CELF2: variants seen among roughly 807,000 people sequenced by gnomAD.
The protein encoded by CELF2 is CUGBP Elav-like family member 2.
In CELF2, 8 loss-of-function variants were observed where a neutral mutation model predicts 62.6. The observed-to-expected ratio is 0.13, with a 90% confidence interval of 0.07 to 0.23. The LOEUF is 0.23. Ranked by LOEUF, CELF2 falls within the 10% of genes least tolerant of loss-of-function variation. The pLI is 1.00. For missense variants in CELF2, 333 were observed against 671.0 expected (o/e 0.50, Z 5.56); for synonymous variants, 258 against 250.0 (o/e 1.03, Z -0.30).
At chr10:11,139,511 G>T (rs1317857079) in intron 1 of CELF2, among the ~76,000 whole-genome samples, 1 of 152,174 alleles carries the variant, frequency 6.6e-6, no homozygotes, top group Non-Finnish European at 1.5e-5. Context: ...AATAAAAGGG[G>T]CCATATCAGT....
the CELF2 span, among the ~76,000 whole-genome samples, chr10:10,714,487 C>G: frequency 7.9e-5 from 12 of 152,024 alleles, no homozygotes; most frequent in African/African-American, 2.4e-4. Flanking sequence ...AAAGTGTGAA[C>G]TAGGGGAAAA....
intron 4 of CELF2, among the ~76,000 whole-genome samples, chr10:11,253,820 C>A (rs1422782859): frequency 6.6e-6 from 1 of 152,162 alleles, no homozygotes; most frequent in African/African-American, 2.4e-5. Context: ...TCACGGGGGA[C>A]CCCATCTGTG....
chr10:10,556,004 A>G, the CELF2 span, among the ~76,000 whole-genome samples: 1 of 152,132 alleles, frequency 6.6e-6, no homozygotes, highest in African/African-American at 2.4e-5. Context: ...CTGAACTTCA[A>G]TAATAGCCTG....
At chr10:10,679,004 G>T in the CELF2 span, among the ~76,000 whole-genome samples, 16 of 152,112 alleles carry the variant, frequency 1.1e-4, no homozygotes, top group African/African-American at 3.9e-4. Flanking sequence ...CCCTCACATG[G>T]CCAGGGGAAT....
the CELF2 span, among the ~76,000 whole-genome samples, chr10:10,593,391 A>G: frequency 2.0e-5 from 3 of 152,302 alleles, no homozygotes; most frequent in South Asian, 6.2e-4. Context: ...ATCCTCCAGA[A>G]AGTTCACCTT....
chr10:11,250,438 G>A (rs552789051), intron 4 of CELF2, among the ~76,000 whole-genome samples: 14 of 152,276 alleles, frequency 9.2e-5, no homozygotes, highest in South Asian at 6.2e-4. Flanking sequence ...GGGTTAATTC[G>A]TTTTTTTCTC....
intron 1 of CELF2, among the ~76,000 whole-genome samples, chr10:10,896,712 G>C (rs1302325099): frequency 6.6e-6 from 1 of 152,144 alleles, no homozygotes; most frequent in East Asian, 1.9e-4. Context: ...TTACTCCCTG[G>C]AATCTTCAGA....
rs2046670995 is a variant in CELF2, at chr10:10,938,552, A to T, written c.89+18553A>T. ...GCAACTCAAGTTTAGAAGATTCTCA[A>T]CTTGAATTATTTTAGCATTCTGCTA... is the stretch of plus-strand genomic sequence containing the variant. On this transcript the variant is annotated intron_variant, in intron 2 of 13. Transcript: ENST00000636488. This position sits in a 1 kb window ranked among gnomAD's most constrained non-coding sequence, Gnocchi z 4.2. 6.6e-6 allele frequency among the ~76,000 whole-genome samples: 1 copy of T among 152,258 alleles called. No individual in the cohort carries two copies. Among genetic ancestry groups the T allele is most frequent in the African/African-American group, 2.4e-5 (1 of 41,470 alleles).
At chr10:11,201,106 A>G (rs2059120402) in intron 2 of CELF2, among the ~76,000 whole-genome samples, 1 of 152,324 alleles carries the variant, frequency 6.6e-6, no homozygotes, top group African/African-American at 2.4e-5. Context: ...ATTCTAAAAC[A>G]TACTCACTTT....
chr10:10,763,452 C>T, the CELF2 span, among the ~76,000 whole-genome samples: 1 of 151,932 alleles, frequency 6.6e-6, no homozygotes, highest in Non-Finnish European at 1.5e-5. Context: ...GGAAACGCTG[C>T]CCCGGTCAGG....
At chr10:10,987,915 C>T (rs991792979) in intron 2 of CELF2, among the ~76,000 whole-genome samples, 1 of 151,812 alleles carries the variant, frequency 6.6e-6, no homozygotes, top group African/African-American at 2.4e-5. Flanking sequence ...ACTGAGATAC[C>T]ACCTTACTCC....
chr10:10,708,302 G>C, the CELF2 span, among the ~76,000 whole-genome samples: 2,508 of 152,300 alleles, frequency 0.016, 33 homozygotes, highest in African/African-American at 0.037. Flanking sequence ...CTTTACAGAA[G>C]AGGAAATTGA....
rs970892262 is a variant in CELF2, at chr10:11,242,202, C to G, written c.355-6951C>G. ...ATGGGTTTAATAATGAGATGCGTAA[C>G]AGTGACTCTGTAAAAACCCATTTCA... On this transcript the variant is annotated intron_variant, in intron 3 of 12. Transcript: ENST00000633077. This position sits in a 1 kb window ranked among gnomAD's most constrained non-coding sequence, Gnocchi z 4.8. Among the ~76,000 whole-genome samples the G allele has an allele frequency of 6.6e-6, 1 of 152,174 alleles. No individual in the cohort carries two copies. Among genetic ancestry groups the G allele is most frequent in the Non-Finnish European group, 1.5e-5 (1 of 68,050 alleles).
the CELF2 span, among the ~76,000 whole-genome samples, chr10:10,563,240 C>T: frequency 3.3e-5 from 5 of 152,098 alleles, no homozygotes; most frequent in Non-Finnish European, 5.9e-5. Flanking sequence ...CTAGAAGACA[C>T]CCAGCCAGGA....
chr10:10,652,899 CCAATTAAAAGACA>C, the CELF2 span, among the ~76,000 whole-genome samples: 1 of 151,962 alleles, frequency 6.6e-6, no homozygotes, highest in Non-Finnish European at 1.5e-5. Flanking sequence ...ATTAAATTCT[CCAATTAAAAGACA>C]CAGACTGGCA....
At chr10:11,002,624 G>A (rs1331014174), upstream of CELF2, among the ~76,000 whole-genome samples, 1 of 152,126 alleles carries the variant, frequency 6.6e-6, no homozygotes, top group African/African-American at 2.4e-5. This position sits in a 1 kb window ranked among gnomAD's most constrained non-coding sequence, Gnocchi z 4.4. Context: ...TCCTACACTT[G>A]AATTTCTGCA....
the CELF2 span, among the ~76,000 whole-genome samples, chr10:10,527,188 T>C: frequency 6.6e-5 from 10 of 152,244 alleles, no homozygotes; most frequent in Admixed American, 5.9e-4. Flanking sequence ...ACGCCTGTTA[T>C]CCCAGCACTT....
At chr10:10,915,161 G>A (rs1211506071) in intron 1 of CELF2, among the ~76,000 whole-genome samples, 1 of 150,536 alleles carries the variant, frequency 6.6e-6, no homozygotes, top group Non-Finnish European at 1.5e-5. Flanking sequence ...ATTTTTTAGT[G>A]TTCTGCTTTT....
rs549287188 is a variant in CELF2 at position 11,109,204 on chromosome 10, C to G, written c.75-56282C>G. Among the ~76,000 whole-genome samples the G allele has an allele frequency of 9.8e-5, 15 of 152,286 alleles. No individual in the cohort carries two copies. In the South Asian group the frequency reaches 2.9e-3, roughly 29 times the overall value. ...GTAAGTTACGGATCCAGCATTTTCT[C>G]TCAATAGTAAGCTGGTTTTTATGGT... On this transcript the variant is annotated intron_variant, in intron 1 of 12. Coordinates refer to ENST00000633077, the MANE Select transcript of CELF2 (RefSeq NM_001326342.2).
Sources: allele counts gnomAD v4.1 joint callset (sites outside exome capture counted in the v4.1 genomes callset), GRCh38; gene constraint gnomAD v4.1.1; non-coding constraint Gnocchi (gnomAD v3.1); transcripts MANE v1.5; gene names NCBI Gene and HGNC (gene_info 2026-07-23, HGNC 2026-07-21).